Variants in MED30 observed in about 807,000 individuals in gnomAD.
MED30 encodes the protein mediator of RNA polymerase II transcription subunit 30.
MED30 carries 8 observed loss-of-function variants against 21.7 expected under a neutral mutation model. That is an observed-to-expected ratio of 0.37 (90% CI 0.22 to 0.67). The LOEUF (loss-of-function observed/expected upper bound fraction) is 0.67. Among genes scored for constraint, MED30 ranks in the 30% least tolerant of loss-of-function variants. The pLI, the probability that MED30 is intolerant of heterozygous loss-of-function variation, is 0.58. For synonymous variants in MED30, 79 were observed against 86.7 expected (o/e 0.91, Z 0.49); for missense variants, 203 against 228.2 (o/e 0.89, Z 0.71).
At chr8:117,534,447 T>C (rs560486214) in intron 3 of MED30, among the ~76,000 whole-genome samples, 1 of 152,344 alleles carries the variant, frequency 6.6e-6, no homozygotes, top group Non-Finnish European at 1.5e-5. Context: ...TCTCTTCCTT[T>C]GATTAAATGA....
intron 3 of MED30, among the ~76,000 whole-genome samples, chr8:117,538,835 T>C (rs114276659): frequency 3.3e-5 from 5 of 152,184 alleles, no homozygotes; most frequent in Admixed American, 3.3e-4. Context: ...ATTCAGCAAA[T>C]CTTAGTAGAG....
rs763071204 is a variant in MED30 at position 117,528,719 on chromosome 8, T to C, written c.246T>C (p.Leu82=). ...GGTTAACAAAGCTACAGGATAATCT[T>C]CGCCAACTTTCAGTTCTCTTCAGGA... ...QDRLTKLQDN[L]RQLSVLFRKL... is the part of the protein sequence containing the mutation. Residue 82 remains leucine (L), a synonymous_variant, in exon 2 of 4, where the codon CTT becomes CTC. Transcript: ENST00000297347. 2 of 1,611,694 alleles carry C rather than the reference T, an allele frequency of 1.2e-6. No individual in the cohort carries two copies. Among genetic ancestry groups the C allele is most frequent in the Non-Finnish European group, 1.7e-6 (2 of 1,178,662 alleles).
intron 3 of MED30, among the ~76,000 whole-genome samples, chr8:117,537,230 T>TAAA (rs1311327570): frequency 6.6e-6 from 1 of 152,228 alleles, no homozygotes; most frequent in Non-Finnish European, 1.5e-5. Flanking sequence ...AGCATCAACT[T>TAAA]TTTTTAAGTA....
intron 3 of MED30, among the ~76,000 whole-genome samples, chr8:117,531,147 T>C (rs1444999216): frequency 6.6e-6 from 1 of 151,968 alleles, no homozygotes; most frequent in Non-Finnish European, 1.5e-5. Context: ...GAGCAGCAAA[T>C]GATAAAAATT....
At chr8:117,537,068 T>C (rs1172481942) in intron 3 of MED30, among the ~76,000 whole-genome samples, 3 of 152,368 alleles carry the variant, frequency 2.0e-5, no homozygotes, top group Admixed American at 1.3e-4. Flanking sequence ...TTTATTTTGC[T>C]TAACGCTCTT....
chr8:117,532,139 G>A (rs1818800665), intron 3 of MED30, among the ~76,000 whole-genome samples: 1 of 151,884 alleles, frequency 6.6e-6, no homozygotes, highest in Non-Finnish European at 1.5e-5. Flanking sequence ...TAAAGTTCTT[G>A]GATGAGCAAT....
chr8:117,523,463 C>T (rs1586859719), intron 1 of MED30: 8 of 1,581,568 alleles, frequency 5.1e-6, no homozygotes, highest in Non-Finnish European at 6.1e-6. Context: ...CTGCCAGTCT[C>T]TGGACGGCTG....
At chr8:117,537,678 A>G (rs1414088325) in intron 3 of MED30, among the ~76,000 whole-genome samples, 2 of 152,178 alleles carry the variant, frequency 1.3e-5, no homozygotes, top group Non-Finnish European at 2.9e-5. Flanking sequence ...TATATTTCCA[A>G]ATGAGGATTC....
intron 3 of MED30, among the ~76,000 whole-genome samples, chr8:117,535,166 T>G (rs1818854363): frequency 6.6e-6 from 1 of 151,874 alleles, no homozygotes; most frequent in Non-Finnish European, 1.5e-5. Context: ...GTGTCTCCAT[T>G]CTAGAATATA....
chr8:117,520,713 G>C lies in MED30; in HGVS notation c.-164G>C. On this transcript the variant is annotated 5_prime_UTR_variant, in exon 1 of 4. Transcript: ENST00000297347. ...GGCGGTGTCTATGACGTTTTCTGAC[G>C]TGTTACGTCACAGTGGGCGGAAGTC... 4.5e-6 allele frequency: 3 copies of C among 663,586 alleles called. No individual in the cohort carries two copies. 41.1% of individuals were successfully genotyped at this position (663,586 alleles called of 1,614,324 possible).
intron 3 of MED30, among the ~76,000 whole-genome samples, chr8:117,538,225 C>A (rs886900125): frequency 2.0e-5 from 3 of 152,150 alleles, no homozygotes; most frequent in African/African-American, 7.2e-5. Context: ...AAAATACCAG[C>A]AGTTTTTGTT....
chr8:117,532,133 G>C (rs1212838844), intron 3 of MED30, among the ~76,000 whole-genome samples: 2 of 151,886 alleles, frequency 1.3e-5, no homozygotes, highest in Non-Finnish European at 2.9e-5. Context: ...AACATATAAA[G>C]TTCTTGGATG....
intron 3 of MED30, among the ~76,000 whole-genome samples, chr8:117,534,366 A>C (rs1051971538): frequency 6.6e-6 from 1 of 152,158 alleles, no homozygotes; most frequent in Non-Finnish European, 1.5e-5. Flanking sequence ...AATGTTTCTG[A>C]AAGTTTGTGT....
chr8:117,523,524 G>A, intron 1 of MED30: 1 of 1,597,202 alleles, frequency 6.3e-7, no homozygotes, highest in Non-Finnish European at 8.6e-7. Flanking sequence ...GGTAATCACA[G>A]AGATACTGGA....
intron 1 of MED30, chr8:117,523,556 A>G: frequency 1.2e-6 from 2 of 1,601,320 alleles, no homozygotes; most frequent in South Asian, 2.2e-5. Flanking sequence ...GTAAGGTACC[A>G]GTAGAAATGT....
chr8:117,533,716 C>T (rs1818823396), intron 3 of MED30, among the ~76,000 whole-genome samples: 2 of 152,312 alleles, frequency 1.3e-5, no homozygotes, highest in Admixed American at 6.5e-5. Context: ...AATCATCAGA[C>T]AGTTTCATGG....
rs143322263 is a variant in MED30, at chr8:117,521,031, T to A, written c.155T>A (p.Phe52Tyr). The change falls in exon 1 of 4, where the codon TTC becomes TAC. Residue 52 changes from phenylalanine to tyrosine, a missense_variant. By Grantham distance (22) the Phe-to-Tyr change is conservative (BLOSUM62 3). Coordinates refer to ENST00000297347, the MANE Select transcript of MED30 (RefSeq NM_080651.4). Reference protein sequence around the residue: ...QDIVYRTMEIFQLLRNMQLPN... With the variant: ...QDIVYRTMEIYQLLRNMQLPN... ...ATCGTGTACCGCACCATGGAGATCT[T>A]CCAGCTCCTGAGGAACATGCAGGTA... 45 of 1,590,886 alleles carry A rather than the reference T, an allele frequency of 2.8e-5. No homozygotes were observed. Among genetic ancestry groups the A allele is most frequent in the Non-Finnish European group, 3.5e-5 (41 of 1,165,218 alleles).
intron 1 of MED30, chr8:117,523,579 T>C (rs1818668100): frequency 6.2e-7 from 1 of 1,602,026 alleles, no homozygotes; most frequent in Admixed American, 1.7e-5. Context: ...CCAGGCAAAC[T>C]GTTCCTTCAC....
intron 3 of MED30, among the ~76,000 whole-genome samples, chr8:117,534,855 T>TTTTTTTG (rs1554634565): frequency 2.0e-5 from 3 of 150,430 alleles, no homozygotes; most frequent in Middle Eastern, 3.5e-3. Flanking sequence ...AAATTGTTTT[T>TTTTTTTG]TTTTTTTTTT....
Sources: allele counts gnomAD v4.1 joint callset (sites outside exome capture counted in the v4.1 genomes callset), GRCh38; gene constraint gnomAD v4.1.1; transcripts MANE v1.5; gene names NCBI Gene and HGNC (gene_info 2026-07-23, HGNC 2026-07-21).